The following PDE4D variants were observed in gnomAD, a reference collection of about 807,000 sequenced individuals.
PDE4D encodes phosphodiesterase 4D, also known as 3',5'-cyclic-AMP phosphodiesterase 4D.
In PDE4D, 24 loss-of-function variants were observed where a neutral mutation model predicts 87.4. The ratio of observed to expected loss-of-function variants is 0.27; its 90% CI spans 0.20 to 0.39. PDE4D has a LOEUF of 0.39. PDE4D is among the 10% of genes least tolerant of loss of function. The probability of loss-of-function intolerance (pLI) is 1.00; values close to 1 mark genes in which losing one functional copy is unlikely to be tolerated. For synonymous variants in PDE4D, 384 were observed against 383.2 expected (o/e 1.00, Z -0.02); for missense variants, 714 against 1,041.0 (o/e 0.69, Z 4.32).
chr5:59,368,721 A>T (rs1783476631), intron 1 of PDE4D, among the ~76,000 whole-genome samples: 1 of 152,172 alleles, frequency 6.6e-6, no homozygotes, highest in Non-Finnish European at 1.5e-5. Context: ...AACAGGAGAG[A>T]AAATGATTTC....
intron 6 of PDE4D, among the ~76,000 whole-genome samples, chr5:59,030,838 T>G (rs576462209): frequency 9.2e-5 from 14 of 152,306 alleles, no homozygotes; most frequent in Non-Finnish European, 1.8e-4. Context: ...TCCTTTTTTT[T>G]CTCTTCAACT....
At chr5:59,759,166 G>A (rs1031772181) in intron 1 of PDE4D, among the ~76,000 whole-genome samples, 2 of 152,060 alleles carry the variant, frequency 1.3e-5, no homozygotes, top group Non-Finnish European at 2.9e-5. Flanking sequence ...AAAAAAAAGT[G>A]CTGAAACTCC....
chr5:59,440,472 T>C (rs772702447), intron 1 of PDE4D, among the ~76,000 whole-genome samples: 2 of 152,196 alleles, frequency 1.3e-5, no homozygotes, highest in Non-Finnish European at 2.9e-5. Context: ...CATCAAGCAC[T>C]ATTCTAAGAA....
intron 1 of PDE4D, among the ~76,000 whole-genome samples, chr5:60,450,822 A>G (rs1274850865): frequency 1.3e-5 from 2 of 152,112 alleles, no homozygotes; most frequent in Non-Finnish European, 2.9e-5. Context: ...TTGACTACAA[A>G]TATATAAATG....
At chr5:60,044,486 C>G (rs959011833) in intron 2 of PDE4D, among the ~76,000 whole-genome samples, 23 of 152,146 alleles carry the variant, frequency 1.5e-4, no homozygotes, top group Admixed American at 9.8e-4. Flanking sequence ...CTAGCATTAG[C>G]TATATCTCCC....
At chr5:60,347,368 G>A (rs1374163584) in intron 1 of PDE4D, among the ~76,000 whole-genome samples, 1 of 152,158 alleles carries the variant, frequency 6.6e-6, no homozygotes, top group Non-Finnish European at 1.5e-5. Context: ...GACATTTGTA[G>A]AAAACATAAA....
chr5:59,286,554 T>C (rs1457762330), intron 1 of PDE4D, among the ~76,000 whole-genome samples: 2 of 152,188 alleles, frequency 1.3e-5, no homozygotes, highest in Non-Finnish European at 2.9e-5. Flanking sequence ...CTGGACATGG[T>C]TTTTTTGTGC....
chr5:59,020,655 G>A (rs1402762578), intron 6 of PDE4D, among the ~76,000 whole-genome samples: 1 of 150,612 alleles, frequency 6.6e-6, no homozygotes, highest in African/African-American at 2.4e-5. Context: ...TCTTTCTAAG[G>A]GCTTCTGGAA....
At chr5:59,832,583 G>T (rs1364078604) in intron 1 of PDE4D, among the ~76,000 whole-genome samples, 2 of 152,014 alleles carry the variant, frequency 1.3e-5, no homozygotes, top group East Asian at 3.9e-4. Context: ...ATATATATGT[G>T]TAAGTCAGTA....
At chr5:60,122,610 G>A (rs913637820) in intron 2 of PDE4D, among the ~76,000 whole-genome samples, 5 of 152,140 alleles carry the variant, frequency 3.3e-5, no homozygotes, top group African/African-American at 1.2e-4. Context: ...CACACAGCAC[G>A]GGGACCCTGG....
chr5:59,341,707 TC>T (rs1778765037), intron 1 of PDE4D, among the ~76,000 whole-genome samples: 1 of 152,198 alleles, frequency 6.6e-6, no homozygotes, highest in African/African-American at 2.4e-5. Flanking sequence ...GTAACTCCTA[TC>T]TATTTTACAG....
At chr5:59,002,116 A>G (rs1750667745) in intron 6 of PDE4D, 1 of 503,642 alleles carries the variant, frequency 2.0e-6, no homozygotes, top group African/African-American at 1.9e-5. Flanking sequence ...AGAGAAATAG[A>G]AAGTAACTTT....
At chr5:59,507,783 T>C (rs1193784191) in intron 1 of PDE4D, among the ~76,000 whole-genome samples, 1 of 151,546 alleles carries the variant, frequency 6.6e-6, no homozygotes, top group East Asian at 1.9e-4. Flanking sequence ...ATAATATGAA[T>C]ATTATCTTAG....
In PDE4D at chr5:60,127,821, T is replaced by C. The variant is rs1348450932; in HGVS notation, c.42+57736A>G. 1.4e-5 allele frequency: 6 copies of C among 443,340 alleles called. No individual in the cohort carries two copies. The East Asian group carries it at 2.0e-4, about 15-fold the overall frequency. 27.5% of individuals were successfully genotyped at this position (443,340 alleles called of 1,614,324 possible). A position where few individuals can be genotyped will look rare whatever the true frequency, so the allele number is the denominator to read the frequency against. On this transcript the variant is annotated intron_variant, in intron 2 of 16. Transcript: ENST00000502484. ...GACAAATATGGGCTGAATATACAAATTGGCGAGTCCTTAGTATATAAGTGA... is the reference window on the plus strand; with the variant it reads ...GACAAATATGGGCTGAATATACAAACTGGCGAGTCCTTAGTATATAAGTGA...
chr5:59,792,121 A>ACTT (rs1765861956), intron 1 of PDE4D, among the ~76,000 whole-genome samples: 2 of 152,208 alleles, frequency 1.3e-5, no homozygotes, highest in Non-Finnish European at 2.9e-5. Flanking sequence ...GAGAAGAGAT[A>ACTT]AATCCATGAG....
intron 1 of PDE4D, among the ~76,000 whole-genome samples, chr5:59,671,168 C>T (rs1179177284): frequency 6.6e-6 from 1 of 152,084 alleles, no homozygotes; most frequent in African/African-American, 2.4e-5. Context: ...ATACAAGAGG[C>T]AAAGTATAAA....
chr5:60,420,839 C>T (rs537515689), intron 1 of PDE4D, among the ~76,000 whole-genome samples: 58 of 152,324 alleles, frequency 3.8e-4, no homozygotes, highest in Non-Finnish European at 6.6e-4. Context: ...CCAAATACTG[C>T]GCTTTTCCCA....
At chr5:60,195,837 T>A (rs1741155006) in intron 1 of PDE4D, among the ~76,000 whole-genome samples, 1 of 151,730 alleles carries the variant, frequency 6.6e-6, no homozygotes, top group Admixed American at 6.6e-5. Context: ...TTGTGAACAC[T>A]TCTCTTTAAG....
chr5:60,356,849 G>C (rs745822595), intron 1 of PDE4D, among the ~76,000 whole-genome samples: 3 of 152,164 alleles, frequency 2.0e-5, no homozygotes, highest in Non-Finnish European at 2.9e-5. Flanking sequence ...CAGAAGCAAG[G>C]AAACTGGCAT....
Sources: allele counts gnomAD v4.1 joint callset (sites outside exome capture counted in the v4.1 genomes callset), GRCh38; gene constraint gnomAD v4.1.1; transcripts MANE v1.5; gene names NCBI Gene and HGNC (gene_info 2026-07-23, HGNC 2026-07-21).